Variants in INTS6L observed in about 807,000 individuals in gnomAD.
INTS6L encodes integrator complex subunit 6-like.
INTS6L carries 18 observed loss-of-function variants against 64.7 expected under a neutral mutation model. That is an observed-to-expected ratio of 0.28 (90% CI 0.19 to 0.41). The LOEUF (loss-of-function observed/expected upper bound fraction) is 0.41. Ranked by LOEUF, INTS6L falls within the 10% of genes least tolerant of loss-of-function variation. The pLI, the probability that INTS6L is intolerant of heterozygous loss-of-function variation, is 1.00. For missense variants in INTS6L, 533 were observed against 661.0 expected, an observed-to-expected ratio of 0.81 and a Z score of 2.12; for synonymous variants, 227 against 235.9, an observed-to-expected ratio of 0.96 and a Z score of 0.34.
At position 135,570,540 on chromosome X, in the gene INTS6L, C is replaced by G. The variant is rs782292766; in HGVS notation, c.1392C>G (p.Ser464Arg). 2.3e-5 allele frequency: 27 copies of G among 1,152,265 alleles called. No individual in the cohort carries two copies. Among genetic ancestry groups the G allele is most frequent in the Non-Finnish European group, 3.0e-5 (26 of 871,652 alleles). The allele number at this position is 1,152,265 out of a possible 1,213,427, so 95.0% of individuals were successfully genotyped here. Residue 464 changes from serine (S) to arginine (R), a missense_variant, in exon 11 of 18, where the codon AGC becomes AGG. Transcript: ENST00000639893. ...YSVISYLKKL[S>R]QQTKLESERI... ...TTATCTCTTACCTTAAAAAACTCAGCCAACAGGTAGTATTGGTAAAAACAA... is the reference window on the plus strand; with the variant it reads ...TTATCTCTTACCTTAAAAAACTCAGGCAACAGGTAGTATTGGTAAAAACAA...
At chrX:135,555,485 G>A (rs2086626290) in intron 8 of INTS6L, among the ~76,000 whole-genome samples, 1 of 111,967 alleles carries the variant, frequency 8.9e-6, no homozygotes, top group African/African-American at 3.2e-5. Flanking sequence ...TCTGCACTCT[G>A]ATTACCACTT....
chrX:135,577,348 T>C lies in INTS6L; in HGVS notation c.2040T>C (p.His680=). 1.7e-6 allele frequency: 2 copies of C among 1,211,677 alleles called. No homozygotes were observed. Among genetic ancestry groups the C allele is most frequent in the African/African-American group, 3.5e-5 (2 of 57,709 alleles). ...KPQTPPTVTN[H]VGGKGPPSAS... Reference sequence around the variant, plus strand: ...AAACACCACCTACTGTAACTAACCATGTGGGCGGAAAGGGACCACCCTCAG... The same window carrying C: ...AAACACCACCTACTGTAACTAACCACGTGGGCGGAAAGGGACCACCCTCAG... Residue 680 remains histidine (H), a synonymous_variant, in exon 15 of 18, where the codon CAT becomes CAC. Transcript: ENST00000639893.
chrX:135,559,997 G>T (rs1247651865), intron 9 of INTS6L, among the ~76,000 whole-genome samples: 1 of 112,060 alleles, frequency 8.9e-6, no homozygotes, highest in African/African-American at 3.2e-5. Flanking sequence ...GTTTGCTTTT[G>T]TTACTGTTGA....
At chrX:135,540,716 GCTCCTCCTC>G (rs149159206) in intron 2 of INTS6L, among the ~76,000 whole-genome samples, 10 of 97,326 alleles carry the variant, frequency 1.0e-4, no homozygotes, top group African/African-American at 1.9e-4. Flanking sequence ...CCTCCTAGCT[GCTCCTCCTC>G]CTCCTCCTCC....
chrX:135,522,616 G>A (rs782426447), intron 2 of INTS6L, among the ~76,000 whole-genome samples: 8 of 111,795 alleles, frequency 7.2e-5, no homozygotes, highest in Non-Finnish European at 7.5e-5. Flanking sequence ...ACGCAGTCTG[G>A]ATGTGTTGTG....
At chrX:135,533,189 C>T (rs2085954825) in intron 2 of INTS6L, among the ~76,000 whole-genome samples, 1 of 112,037 alleles carries the variant, frequency 8.9e-6, no homozygotes, top group African/African-American at 3.2e-5. Flanking sequence ...TGGTAAATGC[C>T]ACTCCATCTT....
intron 13 of INTS6L, 135 bp downstream of exon 13, chrX:135,574,197 C>T: frequency 1.3e-6 from 1 of 760,789 alleles, no homozygotes; most frequent in Non-Finnish European, 1.8e-6. Flanking sequence ...TCACTGAATC[C>T]CTATGTCTGT....
At chrX:135,560,552 A>G (rs2148648287) in intron 9 of INTS6L, among the ~76,000 whole-genome samples, 1 of 112,267 alleles carries the variant, frequency 8.9e-6, no homozygotes, top group African/African-American at 3.2e-5. Context: ...CATCAAGTTG[A>G]AGAGTTCTGG....
chrX:135,563,916 G>C (rs1022499549), intron 9 of INTS6L, among the ~76,000 whole-genome samples: 1 of 110,258 alleles, frequency 9.1e-6, no homozygotes, highest in Non-Finnish European at 1.9e-5. Context: ...TATTCTGTTT[G>C]AGGTTCATTC....
intron 15 of INTS6L, among the ~76,000 whole-genome samples, chrX:135,579,327 G>C (rs1337872002): frequency 8.9e-6 from 1 of 112,211 alleles, no homozygotes; most frequent in Non-Finnish European, 1.9e-5. Flanking sequence ...AGTGTGTATA[G>C]AACTTTCAGC....
At chrX:135,557,470 G>A (rs1487198422) in intron 9 of INTS6L, among the ~76,000 whole-genome samples, 1 of 111,492 alleles carries the variant, frequency 9.0e-6, no homozygotes, top group Non-Finnish European at 1.9e-5. Flanking sequence ...TGAGTTTGGA[G>A]ATAAGTATAT....
At chrX:135,570,608 C>A in intron 11 of INTS6L, 62 bp downstream of exon 11, 1 of 1,106,547 alleles carries the variant, frequency 9.0e-7, no homozygotes, top group Non-Finnish European at 1.2e-6. Context: ...TTTCCTTATT[C>A]TTTAGTGTAA....
chrX:135,533,455 A>C (rs2085962065), intron 2 of INTS6L, among the ~76,000 whole-genome samples: 1 of 111,664 alleles, frequency 9.0e-6, no homozygotes, highest in Admixed American at 9.5e-5. Flanking sequence ...CAGGTTTGTT[A>C]ACATGTGCCA....
intron 2 of INTS6L, among the ~76,000 whole-genome samples, chrX:135,544,508 A>G (rs560531437): frequency 1.8e-5 from 2 of 109,641 alleles, no homozygotes; most frequent in South Asian, 8.0e-4. Flanking sequence ...TTAGCATATC[A>G]CACTGCTGCT....
At chrX:135,574,083 T>C (rs782501341) in intron 13 of INTS6L, 21 bp downstream of exon 13, 10 of 155,535 alleles carry the variant, frequency 6.4e-5, no homozygotes, top group Middle Eastern at 1.9e-3. Context: ...TGTGAAATAC[T>C]TTTTTTTTTT....
intron 15 of INTS6L, among the ~76,000 whole-genome samples, chrX:135,578,438 G>A (rs2087287827): frequency 8.9e-6 from 1 of 111,947 alleles, no homozygotes; most frequent in South Asian, 3.8e-4. Flanking sequence ...TGTCAGGGTT[G>A]AGGAGGGTAG....
intron 6 of INTS6L, 126 bp from the exon 7 acceptor site, chrX:135,549,516 C>T (rs1556516306): frequency 3.8e-6 from 3 of 790,350 alleles, no homozygotes; most frequent in African/African-American, 2.1e-5. Context: ...TTTCTTCTTC[C>T]ATTTTTCATG....
At chrX:135,556,578 T>C (rs2086653221) in intron 9 of INTS6L, among the ~76,000 whole-genome samples, 1 of 111,910 alleles carries the variant, frequency 8.9e-6, no homozygotes, top group Non-Finnish European at 1.9e-5. Flanking sequence ...TGCACTTGGC[T>C]TTTTTGTATA....
chrX:135,540,073 C>T (rs942664934), intron 2 of INTS6L, among the ~76,000 whole-genome samples: 3 of 112,161 alleles, frequency 2.7e-5, no homozygotes, highest in Non-Finnish European at 5.6e-5. Flanking sequence ...TACAGGGCTG[C>T]CACAAACATT....
Sources: gnomAD v4.1 joint callset for allele counts (sites outside exome capture counted in the v4.1 genomes callset) on GRCh38, gnomAD v4.1.1 for gene constraint, MANE v1.5 for transcripts, NCBI Gene and HGNC (gene_info 2026-07-23, HGNC 2026-07-21) for gene names.